Variants in SHANK2 observed in about 807,000 individuals in gnomAD.
SHANK2 encodes the protein SH3 and multiple ankyrin repeat domains 2.
SHANK2 carries 43 observed loss-of-function variants against 133.7 expected under a neutral mutation model. That is an observed-to-expected ratio of 0.32 (90% confidence interval 0.25 to 0.41). SHANK2 has a LOEUF of 0.41. Among genes scored for constraint, SHANK2 ranks in the 10% least tolerant of loss-of-function variants. SHANK2 has a pLI of 1.00. For synonymous variants in SHANK2, 1,017 were observed against 952.8 expected (o/e 1.07, Z -1.24); for missense variants, 1,994 against 2,235.8 (o/e 0.89, Z 2.18).
chr11:70,571,715 C>T (rs931971777), intron 17 of SHANK2, among the ~76,000 whole-genome samples: 14 of 151,798 alleles, frequency 9.2e-5, no homozygotes, highest in Middle Eastern at 3.4e-3. Context: ...GGGCTGAGGT[C>T]GATACTGGAG....
intron 14 of SHANK2, among the ~76,000 whole-genome samples, chr11:70,746,150 G>C (rs1946632670): frequency 6.6e-6 from 1 of 152,242 alleles, no homozygotes; most frequent in Admixed American, 6.5e-5. Context: ...ACACGGTCCA[G>C]GAGGCTGTGA....
intron 2 of SHANK2, among the ~76,000 whole-genome samples, chr11:71,159,934 C>T (rs1347065392): frequency 3.5e-4 from 52 of 149,490 alleles, no homozygotes; most frequent in Admixed American, 3.4e-3. Context: ...TTGCAGTGAG[C>T]CTAGATCGTG....
intron 15 of SHANK2, among the ~76,000 whole-genome samples, chr11:70,679,574 G>A (rs1280221904): frequency 2.6e-5 from 4 of 152,254 alleles, no homozygotes; most frequent in Non-Finnish European, 5.9e-5. Flanking sequence ...CCATTCCCCT[G>A]TGCTGGGGAG....
At chr11:71,164,275 T>C (rs1953093441) in intron 2 of SHANK2, among the ~76,000 whole-genome samples, 1 of 152,196 alleles carries the variant, frequency 6.6e-6, no homozygotes, top group Non-Finnish European at 1.5e-5. Flanking sequence ...GGGGATTAAC[T>C]GGCCTTTGAA....
chr11:71,244,046 G>T (rs574090481), intron 1 of SHANK2, among the ~76,000 whole-genome samples: 2 of 152,314 alleles, frequency 1.3e-5, no homozygotes, highest in Admixed American at 6.5e-5. Context: ...ACCAAAACCA[G>T]ACTTCAAAAG....
chr11:70,689,668 T>C (rs1945233957), intron 15 of SHANK2, among the ~76,000 whole-genome samples: 1 of 152,112 alleles, frequency 6.6e-6, no homozygotes. Flanking sequence ...AAAAGATCAA[T>C]TCAGAACTGG....
At position 70,485,453 on chromosome 11, in the gene SHANK2, G is replaced by A; in HGVS notation, c.4840C>T (p.Pro1614Ser). 1 of 1,614,050 alleles carries A rather than the reference G, an allele frequency of 6.2e-7. No homozygotes were observed. Among genetic ancestry groups the A allele is most frequent in the Non-Finnish European group, 8.5e-7 (1 of 1,180,040 alleles). ...TTTGCCTTTGGGCCTGAGAGAATCG[G>A]GCTTTTGATCTCTGTGACGTCGCCC... ...LWGDVTEIKS[P>S]ILSGPKANVI... The change falls in exon 25 of 26, where the codon CCG becomes TCG. Residue 1614 changes from proline (P) to serine (S), a missense_variant. Physicochemically the swap from Pro to Ser is moderately conservative, Grantham distance 74. Transcript: ENST00000601538. This position sits in a 1 kb window ranked among gnomAD's most constrained non-coding sequence, Gnocchi z 5.8.
At chr11:70,955,422 G>GGTGTGTGTGTGTGTGTGTGT (rs1186144718) in intron 10 of SHANK2, among the ~76,000 whole-genome samples, 48 of 146,562 alleles carry the variant, frequency 3.3e-4, no homozygotes, top group African/African-American at 1.2e-3. Context: ...AGACCCACGG[G>GGTGTGTGTGTGTGTGTGTGT]GTGTGTGTGT....
At position 70,911,122 on chromosome 11, in the gene SHANK2, C is replaced by T. The variant is rs1314439925; in HGVS notation, c.1108-14555G>A. The T allele has an allele frequency of 2.0e-5, 9 of 456,626 alleles. No individual in the cohort carries two copies. In the East Asian group the frequency reaches 5.6e-4, roughly 28 times the overall value. 28.3% of individuals were successfully genotyped at this position (456,626 alleles called of 1,614,324 possible). A position where few individuals can be genotyped will look rare whatever the true frequency, so the allele number is the denominator to read the frequency against. On this transcript the variant is annotated intron_variant, in intron 10 of 25. Transcript: ENST00000601538. ...GCACAGGTCTCCACATGCCTCTTTC[C>T]CCTAATTTTTTGTACTGTTTTAATT...
intron 10 of SHANK2, among the ~76,000 whole-genome samples, chr11:70,905,959 A>C (rs1950098109): frequency 6.6e-6 from 1 of 151,942 alleles, no homozygotes. Flanking sequence ...TTACAGGCAC[A>C]TGCCACCATG....
At chr11:70,490,126 C>A (rs2058864932) in intron 23 of SHANK2, 150 bp downstream of exon 23, 4 of 677,330 alleles carry the variant, frequency 5.9e-6, no homozygotes, top group Admixed American at 2.3e-5. Flanking sequence ...GGCCAGGTTC[C>A]CACCCTCTGG....
chr11:71,234,023 A>G (rs1354783112), intron 1 of SHANK2, among the ~76,000 whole-genome samples: 5 of 145,110 alleles, frequency 3.4e-5, no homozygotes, highest in Admixed American at 6.9e-5. Context: ...CTCCAGCCTG[A>G]GCAACAGAGC....
At chr11:70,611,920 C>T (rs1055447379) in intron 17 of SHANK2, among the ~76,000 whole-genome samples, 10 of 131,846 alleles carry the variant, frequency 7.6e-5, no homozygotes, top group African/African-American at 2.9e-4. Flanking sequence ...TGAAAGGGAA[C>T]GAGAAGCCTC....
intron 14 of SHANK2, among the ~76,000 whole-genome samples, chr11:70,797,315 T>C (rs571759043): frequency 2.0e-5 from 3 of 152,320 alleles, no homozygotes; most frequent in Non-Finnish European, 4.4e-5. Context: ...GTGGAGCACA[T>C]TCCCAGCTTC....
chr11:70,943,469 A>G (rs1555084743), intron 10 of SHANK2, among the ~76,000 whole-genome samples: 1 of 152,156 alleles, frequency 6.6e-6, no homozygotes, highest in African/African-American at 2.4e-5. Flanking sequence ...CAAACCCAGG[A>G]GGAACCAGGA....
intron 14 of SHANK2, among the ~76,000 whole-genome samples, chr11:70,738,834 G>A (rs1013721359): frequency 2.0e-5 from 3 of 152,180 alleles, no homozygotes; most frequent in East Asian, 1.9e-4. Flanking sequence ...ACCACCTCAC[G>A]GCCTCCAGCC....
intron 12 of SHANK2, among the ~76,000 whole-genome samples, chr11:70,810,730 C>T (rs922821488): frequency 2.6e-5 from 4 of 152,122 alleles, no homozygotes; most frequent in African/African-American, 4.8e-5. Flanking sequence ...GGGGGTAGGG[C>T]GAATCCCCAC....
chr11:70,607,910 T>A (rs2060601232), intron 17 of SHANK2, among the ~76,000 whole-genome samples: 1 of 152,204 alleles, frequency 6.6e-6, no homozygotes, highest in African/African-American at 2.4e-5. Flanking sequence ...GAAAGAAGAA[T>A]CTGGTTCCAG....
chr11:70,727,700 T>C (rs184826714), intron 14 of SHANK2, among the ~76,000 whole-genome samples: 73 of 152,196 alleles, frequency 4.8e-4, no homozygotes, highest in African/African-American at 1.7e-3. Context: ...ATGTCAAAAA[T>C]TGGTACCACC....
Sources: allele counts gnomAD v4.1 joint callset (sites outside exome capture counted in the v4.1 genomes callset), GRCh38; gene constraint gnomAD v4.1.1; non-coding constraint Gnocchi (gnomAD v3.1); transcripts MANE v1.5; gene names NCBI Gene and HGNC (gene_info 2026-07-23, HGNC 2026-07-21).